The following DLGAP1 variants were observed in gnomAD, a reference collection of about 807,000 sequenced individuals.
DLGAP1 encodes the protein DLG associated protein 1, also known as disks large-associated protein 1.
In DLGAP1, 11 loss-of-function variants were observed where a neutral mutation model predicts 90.8. The observed-to-expected ratio is 0.12, with a 90% CI of 0.08 to 0.20. The LOEUF is 0.20. DLGAP1 is among the 10% of genes least tolerant of loss of function. DLGAP1 has a pLI of 1.00. For missense variants in DLGAP1, 1,050 were observed against 1,333.8 expected (o/e 0.79, Z 3.31); for synonymous variants, 558 against 540.7 (o/e 1.03, Z -0.44).
chr18:3,974,468 A>C (rs913583889), intron 3 of DLGAP1, among the ~76,000 whole-genome samples: 20 of 152,222 alleles, frequency 1.3e-4, no homozygotes, highest in African/African-American at 4.8e-5. Context: ...GGGAAGCTTC[A>C]GATTTCAATA....
chr18:3,549,958 G>A (rs2053287609), intron 9 of DLGAP1, among the ~76,000 whole-genome samples: 1 of 151,166 alleles, frequency 6.6e-6, no homozygotes, highest in Admixed American at 6.7e-5. Context: ...CTGTTGCCCA[G>A]GCTGGAGTGC....
At chr18:4,149,397 T>C (rs964222485) in intron 2 of DLGAP1, among the ~76,000 whole-genome samples, 3 of 152,216 alleles carry the variant, frequency 2.0e-5, no homozygotes, top group African/African-American at 4.8e-5. Flanking sequence ...TTCTTGGAGA[T>C]ACTTCATTTA....
intron 1 of DLGAP1, among the ~76,000 whole-genome samples, chr18:4,395,756 T>C (rs1377275800): frequency 1.3e-5 from 2 of 152,168 alleles, no homozygotes; most frequent in African/African-American, 4.8e-5. Context: ...AACTCCTAAT[T>C]TGTGAGAGAG....
intron 3 of DLGAP1, among the ~76,000 whole-genome samples, chr18:3,981,154 C>T (rs2073720059): frequency 6.6e-6 from 1 of 152,188 alleles, no homozygotes; most frequent in Non-Finnish European, 1.5e-5. Context: ...TTCATACGGG[C>T]AGAATGCCGG....
In DLGAP1 at chr18:3,742,446, T is replaced by G; in HGVS notation, c.1239A>C (p.Glu413Asp). ...RSHSYLRAVSEVSINRSLDSL... is the reference protein window; with the variant it reads ...RSHSYLRAVSDVSINRSLDSL... Reference sequence around the variant, plus strand: ...TGTCCAGGCTCCGGTTGATGGAGACTTCACTCACTGCCCTCAGGTAACTAT... The same window carrying G: ...TGTCCAGGCTCCGGTTGATGGAGACGTCACTCACTGCCCTCAGGTAACTAT... Residue 413 changes from glutamate to aspartate, a missense_variant, in exon 6 of 13, where the codon GAA becomes GAC. Coordinates refer to ENST00000315677, the MANE Select transcript of DLGAP1 (RefSeq NM_004746.4). The G allele has an allele frequency of 1.2e-6, 2 of 1,614,186 alleles. No homozygotes were observed. The highest frequency in any genetic ancestry group is 1.7e-6 in the Non-Finnish European group (2 of 1,180,032).
chr18:4,306,063 C>G (rs934342403), intron 1 of DLGAP1, among the ~76,000 whole-genome samples: 2 of 130,232 alleles, frequency 1.5e-5, no homozygotes, highest in African/African-American at 5.3e-5. Context: ...CACACACACA[C>G]ACGGGGGAGA....
At chr18:4,026,111 G>A (rs1449445153) in intron 2 of DLGAP1, among the ~76,000 whole-genome samples, 1 of 152,136 alleles carries the variant, frequency 6.6e-6, no homozygotes, top group Non-Finnish European at 1.5e-5. Flanking sequence ...ATTTATAAAA[G>A]GTGACCACGG....
At chr18:4,417,303 T>C (rs894052881) in intron 1 of DLGAP1, among the ~76,000 whole-genome samples, 5 of 152,262 alleles carry the variant, frequency 3.3e-5, no homozygotes, top group East Asian at 1.9e-4. Flanking sequence ...GTTCTAGAAA[T>C]AGATTTAATT....
intron 7 of DLGAP1, among the ~76,000 whole-genome samples, chr18:3,593,186 C>T (rs758772971): frequency 1.4e-4 from 21 of 152,226 alleles, no homozygotes; most frequent in Non-Finnish European, 2.8e-4. Context: ...GTGGTTTCCA[C>T]GAGGGACTCC....
chr18:3,597,101 TC>T, intron 7 of DLGAP1: 1 of 520,030 alleles, frequency 1.9e-6, no homozygotes, highest in Non-Finnish European at 3.8e-6. Flanking sequence ...CTTTTTTTTT[TC>T]ACTCTCAGCC....
Position 3,723,792 on chromosome 18 carries a change from G to A in DLGAP1, c.1591+5343C>T, listed in dbSNP as rs149035947. ...AGAGCTGCCAGGAATGGGGGAGGGT[G>A]TAAGGTAGGAAGATGGAAGAATGTG... On this transcript the variant is annotated intron_variant, in intron 7 of 12. Transcript: ENST00000315677. Among the ~76,000 whole-genome samples the A allele has an allele frequency of 5.7e-3, 863 of 152,268 alleles. 10 individuals are homozygous for A. Among genetic ancestry groups the A allele is most frequent in the African/African-American group, 0.02 (823 of 41,554 alleles).
chr18:4,435,052 GATTTA>G (rs981627337), intron 1 of DLGAP1, among the ~76,000 whole-genome samples: 2 of 152,194 alleles, frequency 1.3e-5, no homozygotes, highest in Non-Finnish European at 2.9e-5. Context: ...GACATGAAAT[GATTTA>G]ATTTGGGAAC....
chr18:4,132,804 C>A (rs140260077), intron 2 of DLGAP1, among the ~76,000 whole-genome samples: 8 of 152,294 alleles, frequency 5.3e-5, no homozygotes, highest in Non-Finnish European at 8.8e-5. Flanking sequence ...GCGTGCCATA[C>A]ATGTTGCTGG....
At chr18:3,708,603 G>A (rs756298288) in intron 7 of DLGAP1, 38 of 450,960 alleles carry the variant, frequency 8.4e-5, no homozygotes, top group South Asian at 1.4e-4. Flanking sequence ...ATCTGTTTGC[G>A]ATGGGCATCT....
chr18:4,187,367 G>A (rs943036253), intron 1 of DLGAP1, among the ~76,000 whole-genome samples: 3 of 151,924 alleles, frequency 2.0e-5, no homozygotes, highest in Non-Finnish European at 2.9e-5. Context: ...CCCAGTGAAC[G>A]CTCCTTTAAA....
At chr18:3,726,098 A>G (rs887661785) in intron 7 of DLGAP1, among the ~76,000 whole-genome samples, 3 of 152,222 alleles carry the variant, frequency 2.0e-5, no homozygotes, top group Non-Finnish European at 4.4e-5. Context: ...GAATTTTTTT[A>G]GGACAAAGGG....
intron 2 of DLGAP1, among the ~76,000 whole-genome samples, chr18:4,139,680 T>C (rs2076464260): frequency 6.6e-6 from 1 of 152,048 alleles, no homozygotes; most frequent in Non-Finnish European, 1.5e-5. Context: ...GTAGATTTTC[T>C]GTCTGAATGA....
chr18:3,882,686 C>A (rs1308857235), intron 3 of DLGAP1, among the ~76,000 whole-genome samples: 1 of 152,096 alleles, frequency 6.6e-6, no homozygotes, highest in Non-Finnish European at 1.5e-5. Flanking sequence ...AGTCCATTTC[C>A]AAGCTCGGAT....
intron 3 of DLGAP1, among the ~76,000 whole-genome samples, chr18:3,935,523 A>T (rs1446602120): frequency 6.6e-6 from 1 of 152,194 alleles, no homozygotes; most frequent in Non-Finnish European, 1.5e-5. Context: ...GTATCAAGTT[A>T]CTACGTCTCA....
Sources: allele counts gnomAD v4.1 joint callset (sites outside exome capture counted in the v4.1 genomes callset), GRCh38; gene constraint gnomAD v4.1.1; transcripts MANE v1.5; gene names NCBI Gene and HGNC (gene_info 2026-07-23, HGNC 2026-07-21).